ZNF791: variants seen among roughly 807,000 people sequenced by gnomAD.
The protein encoded by ZNF791 is zinc finger protein 791.
In ZNF791, 4 loss-of-function variants were observed where a neutral mutation model predicts 11.5. The ratio of observed to expected loss-of-function variants is 0.35; its 90% CI spans 0.17 to 0.80. The LOEUF (loss-of-function observed/expected upper bound fraction) is 0.80, where lower values mean the gene tolerates loss of function less well. Ranked by LOEUF, ZNF791 falls within the 30% of genes least tolerant of loss-of-function variation. The pLI is 0.53. For missense variants in ZNF791, 559 were observed against 699.4 expected (o/e 0.80, Z 2.26); for synonymous variants, 212 against 228.1 (o/e 0.93, Z 0.64).
At position 12,614,892 on chromosome 19, in the gene ZNF791, C is replaced by CTTTTTTTTTTTTTTTTTTTTTTTTT. The variant is rs57575424; in HGVS notation, c.3+3821_3+3845dup. 2.3e-4 allele frequency among the ~76,000 whole-genome samples: 4 copies of CTTTTTTTTTTTTTTTTTTTTTTTTT among 17,566 alleles called. 1 individual carries two copies. Among genetic ancestry groups the CTTTTTTTTTTTTTTTTTTTTTTTTT allele is most frequent in the East Asian group, 2.4e-3 (2 of 826 alleles). 11.5% of individuals were successfully genotyped at this position (17,566 alleles called of 152,430 possible). On this transcript the variant is annotated intron_variant, in intron 1 of 3. Transcript: ENST00000343325. ...ACAGGTGTGAGCCACTGCGTCCGGC[C>CTTTTTTTTTTTTTTTTTTTTTTTTT]TTTTTTTTTTTTTTTTTTTTTTTTT... is the stretch of plus-strand genomic sequence containing the variant.
In ZNF791 at chr19:12,632,555, G is replaced by C. The variant is rs1014662885; in HGVS notation, c.*3295G>C. ...CCAGCACTTTGGGAAACCAAGGCAA[G>C]CAGATCACTTGAGGTCAGGAGTTCG... On this transcript the variant is annotated 3_prime_UTR_variant, in exon 4 of 4. Coordinates refer to ENST00000343325, the MANE Select transcript of ZNF791 (RefSeq NM_153358.3). 2 of 152,112 alleles carry C rather than the reference G, an allele frequency of 1.3e-5. No homozygotes were observed. Among genetic ancestry groups the C allele is most frequent in the African/African-American group, 4.8e-5 (2 of 41,430 alleles). 9.4% of individuals were successfully genotyped at this position (152,112 alleles called of 1,614,324 possible). A position where few individuals can be genotyped will look rare whatever the true frequency, so the allele number is the denominator to read the frequency against.
chr19:12,627,622 G>A lies in ZNF791; in HGVS notation c.192-99G>A, dbSNP rs559891380. 1.5e-4 allele frequency: 169 copies of A among 1,116,086 alleles called. No homozygotes were observed. The South Asian group carries it at 2.1e-3, about 14-fold the overall frequency. 69.1% of individuals were successfully genotyped at this position (1,116,086 alleles called of 1,614,324 possible). On this transcript the variant is annotated intron_variant, in intron 3 of 3. Coordinates refer to ENST00000343325, the MANE Select transcript of ZNF791 (RefSeq NM_153358.3). ...GCCTGGGGAACAAGAACAAGACTCCGTCTCAAAAAAGAAAAAAGAACTTTA... is the reference window on the plus strand; with the variant it reads ...GCCTGGGGAACAAGAACAAGACTCCATCTCAAAAAAGAAAAAAGAACTTTA...
intron 1 of ZNF791, among the ~76,000 whole-genome samples, chr19:12,622,032 C>G (rs2145187613): frequency 1.5e-5 from 2 of 136,230 alleles, no homozygotes; most frequent in Middle Eastern, 7.3e-3. Flanking sequence ...GCCTTGGGAT[C>G]CTGTTGATCT....
intron 1 of ZNF791, among the ~76,000 whole-genome samples, chr19:12,622,290 A>C (rs952671394): frequency 8.3e-5 from 12 of 143,926 alleles, no homozygotes; most frequent in Admixed American, 1.4e-4. Flanking sequence ...CCTTCCCTCC[A>C]CTATTGTCCC....
Position 12,614,892 on chromosome 19 carries a change from C to CTTTTTTTTTTTTTTTTTT in ZNF791, c.3+3828_3+3845dup, listed in dbSNP as rs57575424. The stretch of plus-strand genomic sequence containing the variant: ...ACAGGTGTGAGCCACTGCGTCCGGC[C>CTTTTTTTTTTTTTTTTTT]TTTTTTTTTTTTTTTTTTTTTTTTT... On this transcript the variant is annotated intron_variant, in intron 1 of 3. Coordinates refer to ENST00000343325, the MANE Select transcript of ZNF791 (RefSeq NM_153358.3). Among the ~76,000 whole-genome samples, 10 of 17,566 alleles carry CTTTTTTTTTTTTTTTTTT rather than the reference C, an allele frequency of 5.7e-4. 4 individuals carry two copies. The highest frequency in any genetic ancestry group is 1.0e-3 in the Non-Finnish European group (8 of 7,720). 11.5% of individuals were successfully genotyped at this position (17,566 alleles called of 152,430 possible). A position where few individuals can be genotyped will look rare whatever the true frequency, so the allele number is the denominator to read the frequency against.
Position 12,629,007 on chromosome 19 carries a change from A to G in ZNF791, c.1478A>G (p.Glu493Gly), listed in dbSNP as rs1282489465. ...ATACATAAAAGAACTCACACTGGGG[A>G]GAAACCTTATGAATGTAAGGAATGC... ...IRIHKRTHTG[E>G]KPYECKECGK... is the part of the protein sequence containing the mutation. Residue 493 changes from glutamate to glycine, a missense_variant, in exon 4 of 4, where the codon GAG becomes GGG. Coordinates refer to ENST00000343325, the MANE Select transcript of ZNF791 (RefSeq NM_153358.3). The G allele has an allele frequency of 2.5e-6, 4 of 1,613,896 alleles. No homozygotes were observed. The highest frequency in any genetic ancestry group is 3.4e-6 in the Non-Finnish European group (4 of 1,180,000).
At position 12,621,957 on chromosome 19, in the gene ZNF791, G is replaced by A. The variant is rs1336265750; in HGVS notation, c.4-1743G>A. The stretch of plus-strand genomic sequence containing the variant: ...AAGATTGAGAAATCGGATGGTTGCC[G>A]TGTCTGTGTAGAAAGTAGACATGGG... On this transcript the variant is annotated intron_variant, in intron 1 of 3. Transcript: ENST00000343325. Among the ~76,000 whole-genome samples, 3 of 127,760 alleles carry A rather than the reference G, an allele frequency of 2.3e-5. 1 individual carries two copies. The highest frequency in any genetic ancestry group is 4.7e-4 in the South Asian group (2 of 4,264). The allele number at this position is 127,760 out of a possible 152,430, so 83.8% of individuals were successfully genotyped here.
At chr19:12,611,103 T>C in intron 1 of ZNF791, 21 bp downstream of exon 1, 1 of 1,613,852 alleles carries the variant, frequency 6.2e-7, no homozygotes, top group Non-Finnish European at 8.5e-7. Flanking sequence ...AGGGCCGGAC[T>C]AGTTGGAACC....
At chr19:12,615,683 G>A (rs1348845678) in intron 1 of ZNF791, among the ~76,000 whole-genome samples, 1 of 149,416 alleles carries the variant, frequency 6.7e-6, no homozygotes, top group Admixed American at 6.6e-5. Context: ...GGAGGCTGAG[G>A]CAGGAGAATT....
chr19:12,614,892 C>CT (rs57575424), intron 1 of ZNF791, among the ~76,000 whole-genome samples: 584 of 17,536 alleles, frequency 0.033, 225 homozygotes, highest in Middle Eastern at 0.11. Flanking sequence ...TGCGTCCGGC[C>CT]TTTTTTTTTT....
intron 1 of ZNF791, among the ~76,000 whole-genome samples, chr19:12,612,667 G>A (rs1247198454): frequency 2.0e-5 from 3 of 148,064 alleles, no homozygotes; most frequent in African/African-American, 7.5e-5. Flanking sequence ...TTCCCAGGAT[G>A]GTCTCAATCT....
chr19:12,622,423 A>C (rs1040729954), intron 1 of ZNF791, among the ~76,000 whole-genome samples: 4 of 146,584 alleles, frequency 2.7e-5, no homozygotes, highest in African/African-American at 4.9e-5. Context: ...AAAAAAAAAA[A>C]AAAAAAAAAC....
At chr19:12,617,087 C>A (rs1599321301) in intron 1 of ZNF791, among the ~76,000 whole-genome samples, 2 of 148,594 alleles carry the variant, frequency 1.3e-5, no homozygotes, top group South Asian at 4.3e-4. Flanking sequence ...TTGATAAGTT[C>A]TATTTTCATT....
chr19:12,614,492 C>T (rs1338772273), intron 1 of ZNF791, among the ~76,000 whole-genome samples: 3 of 152,130 alleles, frequency 2.0e-5, no homozygotes, highest in Non-Finnish European at 4.4e-5. Context: ...CTGCCTTGGC[C>T]TCACAAAGTG....
At chr19:12,626,509 C>T (rs2023430535) in intron 3 of ZNF791, among the ~76,000 whole-genome samples, 1 of 152,036 alleles carries the variant, frequency 6.6e-6, no homozygotes, top group Admixed American at 6.6e-5. Context: ...GTCTCAAACT[C>T]CTGACCCCAA....
chr19:12,613,812 A>C (rs1338813950), intron 1 of ZNF791, among the ~76,000 whole-genome samples: 1 of 152,110 alleles, frequency 6.6e-6, no homozygotes, highest in African/African-American at 2.4e-5. Flanking sequence ...GTACTGAAAG[A>C]AACTGCAGAG....
intron 3 of ZNF791, among the ~76,000 whole-genome samples, chr19:12,626,971 A>G (rs1021392937): frequency 6.6e-6 from 1 of 152,110 alleles, no homozygotes; most frequent in Non-Finnish European, 1.5e-5. Context: ...ATTTGAGCTC[A>G]GGAGTTCGAA....
intron 3 of ZNF791, among the ~76,000 whole-genome samples, chr19:12,626,092 C>A (rs747998843): frequency 3.3e-5 from 5 of 152,222 alleles, no homozygotes; most frequent in Admixed American, 6.5e-5. Flanking sequence ...TCTCGGCTCA[C>A]TGCAACCTCC....
rs144494308 is a variant in ZNF791, at chr19:12,628,895, C to G, written c.1366C>G (p.Arg456Gly). 4 of 1,613,544 alleles carry G rather than the reference C, an allele frequency of 2.5e-6. No individual in the cohort carries two copies. Among genetic ancestry groups the G allele is most frequent in the Middle Eastern group, 1.6e-4 (1 of 6,062 alleles). Residue 456 changes from arginine (R) to glycine (G), a missense_variant, in exon 4 of 4, where the codon CGA (arginine) becomes GGA (glycine). Transcript: ENST00000343325. ...GGTGTTCATTTTTCCTAGTGCGTTA[C>G]GAACACATGAAAGAACTCACACTGG... ...GKVFIFPSAL[R>G]THERTHTGEK...
Sources: gnomAD v4.1 joint callset for allele counts (sites outside exome capture counted in the v4.1 genomes callset) on GRCh38, gnomAD v4.1.1 for gene constraint, MANE v1.5 for transcripts, NCBI Gene and HGNC (gene_info 2026-07-23, HGNC 2026-07-21) for gene names.